Variants in KAZN observed in about 807,000 individuals in gnomAD.
KAZN encodes the protein kazrin.
KAZN carries 40 observed loss-of-function variants against 87.4 expected under a neutral mutation model. That is an observed-to-expected ratio of 0.46 (90% CI 0.36 to 0.60). The LOEUF is 0.60. KAZN is among the 20% of genes least tolerant of loss of function. The pLI, the probability that KAZN is intolerant of heterozygous loss-of-function variation, is 0.00. For synonymous variants in KAZN, 466 were observed against 458.3 expected (o/e 1.02, Z -0.22); for missense variants, 898 against 1,073.9 (o/e 0.84, Z 2.29).
At position 14,757,482 on chromosome 1, in the gene KAZN, C is replaced by G. The variant is rs1291304281; in HGVS notation, c.226+158259C>G. Among the ~76,000 whole-genome samples the G allele has an allele frequency of 2.6e-5, 4 of 152,180 alleles. No homozygotes were observed. The South Asian group carries it at 6.2e-4, about 24-fold the overall frequency. The stretch of plus-strand genomic sequence containing the variant: ...TGTGACCTTGGGCGATTTAGTCAAC[C>G]CTTCTGAGCTTTAGTTTCCTCATCA... On this transcript the variant is annotated intron_variant, in intron 1 of 14. Coordinates refer to ENST00000376030, the MANE Select transcript of KAZN (RefSeq NM_201628.3).
chr1:15,097,312 AC>A (rs1387079138), intron 10 of KAZN, among the ~76,000 whole-genome samples: 1 of 151,870 alleles, frequency 6.6e-6, no homozygotes, highest in Non-Finnish European at 1.5e-5. Context: ...GGGGGTAAGA[AC>A]TCTAAATGAG....
At chr1:14,313,526 A>G (rs1262119578) in intron 2 of KAZN, among the ~76,000 whole-genome samples, 1 of 152,200 alleles carries the variant, frequency 6.6e-6, no homozygotes, top group Admixed American at 6.5e-5. Context: ...TAAAGTCATT[A>G]AACTACCTTA....
At chr1:14,140,101 C>G (rs1007077409) in intron 1 of KAZN, among the ~76,000 whole-genome samples, 8 of 151,984 alleles carry the variant, frequency 5.3e-5, no homozygotes, top group African/African-American at 1.9e-4. Flanking sequence ...AGGCAGGTGT[C>G]AAACCCAACT....
intron 1 of KAZN, among the ~76,000 whole-genome samples, chr1:14,643,020 T>G (rs1004512171): frequency 3.9e-5 from 6 of 152,212 alleles, no homozygotes; most frequent in African/African-American, 1.4e-4. Context: ...CCCGGGTACA[T>G]AAACCCCTGT....
At chr1:14,702,880 C>A (rs563537716) in intron 1 of KAZN, among the ~76,000 whole-genome samples, 19 of 152,272 alleles carry the variant, frequency 1.2e-4, no homozygotes, top group African/African-American at 4.6e-4. Flanking sequence ...GGAATTAATA[C>A]CTGAGATCTG....
intron 2 of KAZN, among the ~76,000 whole-genome samples, chr1:14,489,276 T>G (rs921273662): frequency 2.0e-5 from 3 of 152,196 alleles, no homozygotes; most frequent in Admixed American, 1.3e-4. Context: ...ATATATCTAT[T>G]ATACACATCT....
At chr1:14,313,669 G>C (rs1655457933) in intron 2 of KAZN, among the ~76,000 whole-genome samples, 1 of 152,086 alleles carries the variant, frequency 6.6e-6, no homozygotes, top group Non-Finnish European at 1.5e-5. Context: ...AGTTCCATCT[G>C]TGGAATCTTA....
intron 1 of KAZN, among the ~76,000 whole-genome samples, chr1:14,705,561 A>C (rs1249912243): frequency 6.6e-6 from 1 of 152,232 alleles, no homozygotes; most frequent in Admixed American, 6.5e-5. Context: ...TGAACAAGGA[A>C]AATGTGGTGT....
intron 2 of KAZN, among the ~76,000 whole-genome samples, chr1:14,342,667 A>G (rs1657820771): frequency 6.6e-6 from 1 of 152,234 alleles, no homozygotes; most frequent in Non-Finnish European, 1.5e-5. Context: ...TAAAAAAGAA[A>G]GGGAAGAAGG....
intron 2 of KAZN, among the ~76,000 whole-genome samples, chr1:14,439,808 C>T (rs1666597228): frequency 6.6e-6 from 1 of 152,132 alleles, no homozygotes; most frequent in African/African-American, 2.4e-5. Flanking sequence ...TTATAGTTAC[C>T]CCACATCACC....
At chr1:14,066,978 C>T (rs1643033291) in intron 1 of KAZN, among the ~76,000 whole-genome samples, 1 of 152,212 alleles carries the variant, frequency 6.6e-6, no homozygotes, top group South Asian at 2.1e-4. Flanking sequence ...TTCTCTGAAA[C>T]ATCTTCCTTG....
intron 2 of KAZN, among the ~76,000 whole-genome samples, chr1:14,557,993 A>G (rs776259014): frequency 3.3e-5 from 5 of 152,206 alleles, no homozygotes; most frequent in Non-Finnish European, 5.9e-5. Context: ...AGCTGATGTG[A>G]AAGCCACCAA....
At chr1:14,567,172 C>T (rs535042741) in intron 2 of KAZN, among the ~76,000 whole-genome samples, 1 of 152,148 alleles carries the variant, frequency 6.6e-6, no homozygotes, top group Middle Eastern at 3.4e-3. Flanking sequence ...CCTTAGAGGT[C>T]ATTGTAGGGT....
intron 2 of KAZN, among the ~76,000 whole-genome samples, chr1:14,997,249 ATTTATTTT>A (rs1247371355): frequency 5.9e-5 from 8 of 135,694 alleles, no homozygotes; most frequent in Non-Finnish European, 1.3e-4. Context: ...TTATTTATTT[ATTTATTTT>A]GAGACAAAGT....
rs890816728 is a variant in KAZN, at chr1:14,400,151, C to T, written c.250-198832C>T. On this transcript the variant is annotated intron_variant, in intron 2 of 16. Coordinates refer to the KAZN transcript ENST00000636203. The stretch of plus-strand genomic sequence containing the variant: ...CCTCCAGGGATACCCAGGACAGGGA[C>T]GGAATGTTTAGGGAGCTCCATTTGT... Among the ~76,000 whole-genome samples, 9 of 151,982 alleles carry T rather than the reference C, an allele frequency of 5.9e-5. No individual in the cohort carries two copies. The South Asian group carries it at 6.2e-4, about 11-fold the overall frequency.
chr1:14,952,187 A>C (rs1294914306), intron 1 of KAZN, among the ~76,000 whole-genome samples: 2 of 151,476 alleles, frequency 1.3e-5, no homozygotes, highest in South Asian at 4.1e-4. Flanking sequence ...AGTGACTTCC[A>C]TTTGACTGTG....
chr1:14,663,035 A>G (rs948724685), intron 1 of KAZN, among the ~76,000 whole-genome samples: 3 of 151,142 alleles, frequency 2.0e-5, no homozygotes, highest in Non-Finnish European at 4.4e-5. Context: ...CAGTAGCACA[A>G]TCATAGCTCA....
At position 15,094,857 on chromosome 1, in the gene KAZN, G is replaced by A; in HGVS notation, c.1471G>A (p.Gly491Arg). 1 of 1,550,708 alleles carries A rather than the reference G, an allele frequency of 6.4e-7. No individual in the cohort carries two copies. Among genetic ancestry groups the A allele is most frequent in the Non-Finnish European group, 8.7e-7 (1 of 1,146,782 alleles). The change falls in exon 10 of 15, where the codon GGG becomes AGG. Residue 491 changes from glycine (G) to arginine (R), a missense_variant. Transcript: ENST00000376030. The surrounding 1 kb of genome is among the most constrained non-coding windows in gnomAD (Gnocchi z 4.5). ...LSDEDLQLGL[G>R]VCSSLHRRKL... ...TGACGAGGACCTGCAGCTGGGCCTTGGGGTGTGCAGCTCCCTGCACCGGCG... is the reference window on the plus strand; with the variant it reads ...TGACGAGGACCTGCAGCTGGGCCTTAGGGTGTGCAGCTCCCTGCACCGGCG...
Position 14,617,566 on chromosome 1 carries a change from G to A in KAZN, c.226+18343G>A, listed in dbSNP as rs953227003. Among the ~76,000 whole-genome samples, 10 of 152,180 alleles carry A rather than the reference G, an allele frequency of 6.6e-5. No individual in the cohort carries two copies. In the East Asian group the frequency reaches 1.2e-3, roughly 18 times the overall value. ...GTAAAACAAGGTTTGCCTGTAGCTC[G>A]TACCTTATGGGGTTTTTATAAAAAT... On this transcript the variant is annotated intron_variant, in intron 1 of 14. Transcript: ENST00000376030.
Sources: gnomAD v4.1 joint callset for allele counts (sites outside exome capture counted in the v4.1 genomes callset) on GRCh38, gnomAD v4.1.1 for gene constraint, Gnocchi (gnomAD v3.1) non-coding constraint, MANE v1.5 for transcripts, NCBI Gene and HGNC (gene_info 2026-07-23, HGNC 2026-07-21) for gene names.